The following MED13L variants were observed in gnomAD, a reference collection of about 807,000 sequenced individuals.
MED13L encodes mediator complex subunit 13L.
In MED13L, 7 loss-of-function variants were observed where a neutral mutation model predicts 220.9. The ratio of observed to expected loss-of-function variants is 0.03; its 90% CI spans 0.02 to 0.06. The LOEUF is 0.06. MED13L is among the 10% of genes least tolerant of loss of function. MED13L has a pLI of 1.00. For missense variants in MED13L, 1,965 were observed against 2,760.5 expected (o/e 0.71, Z 6.46); for synonymous variants, 1,011 against 1,015.2 (o/e 1.00, Z 0.08).
chr12:116,265,311 T>C (rs1872754071), intron 1 of MED13L, among the ~76,000 whole-genome samples: 2 of 152,220 alleles, frequency 1.3e-5, no homozygotes, highest in South Asian at 4.1e-4. Flanking sequence ...TAAGAAGTAA[T>C]CTTAAACCAA....
intron 17 of MED13L, among the ~76,000 whole-genome samples, chr12:115,988,990 T>C (rs1046348008): frequency 1.3e-5 from 2 of 152,230 alleles, no homozygotes; most frequent in African/African-American, 4.8e-5. Flanking sequence ...TAAGCAGTTA[T>C]ACAAATGAGC....
intron 4 of MED13L, among the ~76,000 whole-genome samples, chr12:116,053,886 T>C (rs2137597523): frequency 6.6e-6 from 1 of 152,290 alleles, no homozygotes; most frequent in Non-Finnish European, 1.5e-5. Context: ...AGTATCCCCA[T>C]TTTAGATGAC....
intron 2 of MED13L, among the ~76,000 whole-genome samples, chr12:116,132,981 A>G (rs1876210471): frequency 6.6e-6 from 1 of 152,170 alleles, no homozygotes; most frequent in Non-Finnish European, 1.5e-5. Context: ...ACTGCAGGGA[A>G]TGAAACGGTA....
chr12:116,041,942 C>G (rs1390378881), intron 4 of MED13L, among the ~76,000 whole-genome samples: 1 of 152,128 alleles, frequency 6.6e-6, no homozygotes, highest in Non-Finnish European at 1.5e-5. Flanking sequence ...AGAAATTTAG[C>G]CAAGAGGAGA....
chr12:116,027,719 A>C (rs2137472712), intron 4 of MED13L, among the ~76,000 whole-genome samples: 1 of 152,212 alleles, frequency 6.6e-6, no homozygotes, highest in East Asian at 1.9e-4. Flanking sequence ...TGATTTTGTA[A>C]TCCAACATAC....
At chr12:116,052,301 GA>G (rs1868573721) in intron 4 of MED13L, among the ~76,000 whole-genome samples, 1 of 152,154 alleles carries the variant, frequency 6.6e-6, no homozygotes, top group Non-Finnish European at 1.5e-5. Context: ...CTAAAGGGAT[GA>G]TTAAAGTCAT....
rs1877294977 is a variant in MED13L, at chr12:115,981,058, T to G, written c.5176-120A>C. The G allele has an allele frequency of 4.6e-5, 35 of 763,552 alleles. No homozygotes were observed. In the East Asian group the frequency reaches 9.0e-4, roughly 20 times the overall value. The allele number at this position is 763,552 out of a possible 1,614,324, so 47.3% of individuals were successfully genotyped here. On this transcript the variant is annotated intron_variant, in intron 22 of 30. Transcript: ENST00000281928. ...AATTCCTTACCACAATGGGGAGAGG[T>G]AACCTCAGCCTTAAAATATATCTGT... is the stretch of plus-strand genomic sequence containing the variant.
chr12:115,989,749 T>C (rs189387067), intron 17 of MED13L, among the ~76,000 whole-genome samples: 1 of 152,266 alleles, frequency 6.6e-6, no homozygotes, highest in East Asian at 1.9e-4. Flanking sequence ...CATCTCTCTT[T>C]CCCTTATCCC....
intron 16 of MED13L, among the ~76,000 whole-genome samples, chr12:115,995,070 T>C (rs1403936599): frequency 6.6e-6 from 1 of 152,234 alleles, no homozygotes; most frequent in Non-Finnish European, 1.5e-5. Flanking sequence ...AGGATTCCTC[T>C]GTACTTTTCT....
At chr12:116,018,410 G>C (rs559034005) in intron 7 of MED13L, among the ~76,000 whole-genome samples, 1 of 152,100 alleles carries the variant, frequency 6.6e-6, no homozygotes, top group African/African-American at 2.4e-5. Context: ...TATGTATCAT[G>C]CTTGATAGTT....
intron 2 of MED13L, among the ~76,000 whole-genome samples, chr12:116,160,940 T>G (rs1177069593): frequency 2.0e-5 from 3 of 152,134 alleles, no homozygotes; most frequent in African/African-American, 7.2e-5. Flanking sequence ...TTAATTTATT[T>G]TATGCTGCTA....
intron 2 of MED13L, among the ~76,000 whole-genome samples, chr12:116,226,840 G>C (rs555991034): frequency 1.4e-5 from 2 of 146,296 alleles, no homozygotes; most frequent in Admixed American, 1.4e-4. Flanking sequence ...CCATACTCCA[G>C]CCTGGGCAAC....
chr12:116,194,130 A>T (rs778527586), intron 2 of MED13L, among the ~76,000 whole-genome samples: 61 of 152,124 alleles, frequency 4.0e-4, no homozygotes, highest in Non-Finnish European at 7.5e-4. Flanking sequence ...AAAAAACAAA[A>T]AACAAAAAAA....
chr12:115,978,532 G>T (rs1167204198), intron 23 of MED13L, among the ~76,000 whole-genome samples: 2 of 152,042 alleles, frequency 1.3e-5, no homozygotes, highest in African/African-American at 4.8e-5. Flanking sequence ...TTGCCATGCT[G>T]GCCAAGCTGG....
At chr12:115,997,259 T>G (rs1171697795) in intron 14 of MED13L, 29 bp from the exon 15 acceptor site, 1 of 1,602,078 alleles carries the variant, frequency 6.2e-7, no homozygotes, top group Non-Finnish European at 8.5e-7. Context: ...AAAAATTTGT[T>G]TAATAGGAAG....
At chr12:115,987,339 C>A in intron 17 of MED13L, 51 bp from the exon 18 acceptor site, 8 of 1,491,768 alleles carry the variant, frequency 5.4e-6, no homozygotes, top group Non-Finnish European at 7.4e-6. Context: ...TAGCACCCTC[C>A]TCTTCCTCAC....
At chr12:116,006,553 G>C in intron 11 of MED13L, 142 bp from the exon 12 acceptor site, 1 of 731,674 alleles carries the variant, frequency 1.4e-6, no homozygotes. Flanking sequence ...GCAACCAAAG[G>C]AAGTAAAAGA....
intron 27 of MED13L, among the ~76,000 whole-genome samples, chr12:115,969,860 AAAGT>A (rs1313813466): frequency 1.3e-5 from 2 of 152,126 alleles, no homozygotes; most frequent in African/African-American, 2.4e-5. Context: ...CAACATTATA[AAAGT>A]AAGGTACACT....
intron 2 of MED13L, among the ~76,000 whole-genome samples, chr12:116,115,878 A>G (rs868266753): frequency 6.6e-6 from 1 of 152,244 alleles, no homozygotes; most frequent in Non-Finnish European, 1.5e-5. Flanking sequence ...AACATATAGA[A>G]TACAGTAGCC....
Sources: allele counts gnomAD v4.1 joint callset (sites outside exome capture counted in the v4.1 genomes callset), GRCh38; gene constraint gnomAD v4.1.1; transcripts MANE v1.5; gene names NCBI Gene and HGNC (gene_info 2026-07-23, HGNC 2026-07-21).